Variants in ERC2 observed in about 807,000 individuals in gnomAD.
ERC2 encodes ELKS/RAB6-interacting/CAST family member 2, also known as ERC protein 2.
ERC2 carries 42 observed loss-of-function variants against 114.8 expected under a neutral mutation model. The ratio of observed to expected loss-of-function variants is 0.37; its 90% CI spans 0.29 to 0.47. ERC2 has a LOEUF of 0.47. Among genes scored for constraint, ERC2 ranks in the 20% least tolerant of loss-of-function variants. The pLI, the probability that ERC2 is intolerant of heterozygous loss-of-function variation, is 0.99. For synonymous variants in ERC2, 454 were observed against 425.5 expected (o/e 1.07, Z -0.82); for missense variants, 939 against 1,150.7 (o/e 0.82, Z 2.66).
chr3:56,293,024 T>C (rs1251136027), intron 3 of ERC2, among the ~76,000 whole-genome samples: 3 of 152,238 alleles, frequency 2.0e-5, no homozygotes, highest in Non-Finnish European at 4.4e-5. Context: ...TTTTGTTAAT[T>C]ATCATTGCTA....
chr3:56,235,402 A>T (rs1266495684), intron 3 of ERC2, among the ~76,000 whole-genome samples: 5 of 152,366 alleles, frequency 3.3e-5, no homozygotes, highest in Non-Finnish European at 4.4e-5. Flanking sequence ...ACACATGGAC[A>T]AAATGAATAC....
chr3:56,016,304 T>C (rs905896672), intron 8 of ERC2, among the ~76,000 whole-genome samples: 4 of 152,130 alleles, frequency 2.6e-5, no homozygotes, highest in African/African-American at 7.2e-5. Flanking sequence ...TGAAGGGTAT[T>C]GCCTAGATTT....
chr3:56,203,736 A>G (rs1210874422), intron 3 of ERC2, among the ~76,000 whole-genome samples: 2 of 152,214 alleles, frequency 1.3e-5, no homozygotes, highest in East Asian at 1.9e-4. Context: ...GAATGATGAT[A>G]CTATTTACAG....
chr3:55,781,497 GT>G (rs138601745), intron 14 of ERC2, among the ~76,000 whole-genome samples: 16 of 149,098 alleles, frequency 1.1e-4, no homozygotes, highest in East Asian at 4.0e-4. Context: ...TTTAAAAATG[GT>G]TTTTTTTTTG....
chr3:55,750,783 C>T (rs1239751943), intron 14 of ERC2, among the ~76,000 whole-genome samples: 4 of 152,328 alleles, frequency 2.6e-5, no homozygotes, highest in South Asian at 4.1e-4. Context: ...TAAGTGCCAA[C>T]GGAAAGACTG....
chr3:55,552,098 C>T (rs1270459541), intron 17 of ERC2, among the ~76,000 whole-genome samples: 4 of 152,214 alleles, frequency 2.6e-5, no homozygotes, highest in Non-Finnish European at 5.9e-5. Flanking sequence ...CGGTCCTCAA[C>T]TGTGAGAAAC....
chr3:55,698,429 C>G (rs186007920), intron 16 of ERC2, among the ~76,000 whole-genome samples: 2 of 152,104 alleles, frequency 1.3e-5, no homozygotes, highest in African/African-American at 4.8e-5. Context: ...AACAGAGCCA[C>G]GTGAAAAGTT....
At chr3:55,962,032 C>T (rs2068421624) in intron 12 of ERC2, among the ~76,000 whole-genome samples, 1 of 152,108 alleles carries the variant, frequency 6.6e-6, no homozygotes, top group Non-Finnish European at 1.5e-5. Flanking sequence ...ATGATGAATA[C>T]TAGTGAGTAC....
intron 3 of ERC2, among the ~76,000 whole-genome samples, chr3:56,183,880 G>GAT (rs2083434382): frequency 6.6e-6 from 1 of 151,834 alleles, no homozygotes; most frequent in Non-Finnish European, 1.5e-5. Context: ...CATATATAAA[G>GAT]ATATATATAA....
At chr3:55,562,687 A>T (rs764406821) in intron 17 of ERC2, among the ~76,000 whole-genome samples, 5 of 151,402 alleles carry the variant, frequency 3.3e-5, no homozygotes, top group Admixed American at 6.6e-5. Context: ...TTGCCCTCCC[A>T]TCCCTTTTCT....
At chr3:56,209,826 T>C (rs928907020) in intron 3 of ERC2, among the ~76,000 whole-genome samples, 1 of 152,116 alleles carries the variant, frequency 6.6e-6, no homozygotes, top group African/African-American at 2.4e-5. Flanking sequence ...GAGTTGACCA[T>C]GAAAAATACA....
chr3:55,539,370 C>A (rs370283590), intron 17 of ERC2, among the ~76,000 whole-genome samples: 2 of 107,016 alleles, frequency 1.9e-5, no homozygotes, highest in African/African-American at 6.8e-5. Context: ...ATTTTCTTTT[C>A]TTTTATTTTC....
At chr3:55,710,282 A>G (rs1459967150) in intron 15 of ERC2, among the ~76,000 whole-genome samples, 1 of 152,162 alleles carries the variant, frequency 6.6e-6, no homozygotes, top group Non-Finnish European at 1.5e-5. Context: ...AGCCTCATCC[A>G]AGCTGATATT....
At chr3:56,188,197 A>G (rs2083752341) in intron 3 of ERC2, among the ~76,000 whole-genome samples, 2 of 152,192 alleles carry the variant, frequency 1.3e-5, no homozygotes, top group Non-Finnish European at 2.9e-5. Context: ...TTTGAGTCCC[A>G]GAGTCTAAAA....
chr3:56,078,022 A>G (rs2149749067), intron 7 of ERC2, among the ~76,000 whole-genome samples: 1 of 152,318 alleles, frequency 6.6e-6, no homozygotes, highest in African/African-American at 2.4e-5. Context: ...CGGAGATTTT[A>G]AATGAAAAAT....
At chr3:56,127,553 C>A (rs1006128865) in intron 6 of ERC2, among the ~76,000 whole-genome samples, 12 of 152,052 alleles carry the variant, frequency 7.9e-5, no homozygotes, top group Non-Finnish European at 1.3e-4. Context: ...TATGGCAAAA[C>A]CCTGTCCCTA....
intron 12 of ERC2, among the ~76,000 whole-genome samples, chr3:55,985,746 A>T: frequency 6.6e-6 from 1 of 152,200 alleles, no homozygotes; most frequent in Non-Finnish European, 1.5e-5. Context: ...ATAATCCAGA[A>T]ATAGAATTAA....
rs574941847 is a variant in ERC2, at chr3:55,749,864, C to T, written c.2565-14946G>A. Among the ~76,000 whole-genome samples the T allele has an allele frequency of 2.0e-5, 3 of 152,308 alleles. No individual in the cohort carries two copies. The South Asian group carries it at 6.2e-4, about 32-fold the overall frequency. On this transcript the variant is annotated intron_variant, in intron 14 of 17. Transcript: ENST00000288221. ...CCATCTTTAAGAGTTGTAACACTCA[C>T]TGCGAAGGTCTACGACTTCATTCTT...
At chr3:55,739,598 G>GC (rs1553648656) in intron 14 of ERC2, among the ~76,000 whole-genome samples, 5 of 152,200 alleles carry the variant, frequency 3.3e-5, no homozygotes, top group Admixed American at 6.5e-5. Context: ...CCCACTTTTT[G>GC]TGGGGTTGTT....
Sources: allele counts gnomAD v4.1 joint callset (sites outside exome capture counted in the v4.1 genomes callset), GRCh38; gene constraint gnomAD v4.1.1; transcripts MANE v1.5; gene names NCBI Gene and HGNC (gene_info 2026-07-23, HGNC 2026-07-21).